PCDHA13: variants seen among roughly 807,000 people sequenced by gnomAD.
PCDHA13 encodes the protein protocadherin alpha-13.
Under a neutral mutation model 64.8 loss-of-function variants are expected in PCDHA13, and 54 were observed. That is an observed-to-expected ratio of 0.83 (90% CI 0.67 to 1.04). The LOEUF (loss-of-function observed/expected upper bound fraction) is 1.04, where lower values mean the gene tolerates loss of function less well. Among genes scored for constraint, PCDHA13 ranks in the 50% least tolerant of loss-of-function variants. The probability of loss-of-function intolerance (pLI) is 0.00; values close to 1 mark genes in which losing one functional copy is unlikely to be tolerated. For synonymous variants in PCDHA13, 587 were observed against 564.4 expected (o/e 1.04, Z -0.57); for missense variants, 1,248 against 1,254.3 (o/e 0.99, Z 0.08).
At chr5:140,922,980 A>G (rs2081098580) in intron 1 of PCDHA13, among the ~76,000 whole-genome samples, 1 of 152,244 alleles carries the variant, frequency 6.6e-6, no homozygotes, top group African/African-American at 2.4e-5. Flanking sequence ...TATCTCAGAC[A>G]ATAGGCAAGC....
At chr5:140,938,715 C>T (rs138044331) in intron 1 of PCDHA13, among the ~76,000 whole-genome samples, 10 of 152,038 alleles carry the variant, frequency 6.6e-5, no homozygotes, top group African/African-American at 2.4e-4. Flanking sequence ...ATGATAGAAA[C>T]GCGTTTCTAC....
At chr5:140,927,193 C>G in intron 1 of PCDHA13, 1 of 1,614,186 alleles carries the variant, frequency 6.2e-7, no homozygotes, top group South Asian at 1.1e-5. Context: ...CGACCTGGTG[C>G]TCGAGGACCC....
Position 140,883,657 on chromosome 5 carries a change from C to T in PCDHA13, c.1389C>T (p.Phe463=). 2 of 1,613,594 alleles carry T rather than the reference C, an allele frequency of 1.2e-6. No homozygotes were observed. The highest frequency in any genetic ancestry group is 1.7e-6 in the Non-Finnish European group (2 of 1,179,844). ...TCGCGCAGCCCGAGTACACGGTGTT[C>T]GTGAAGGAAAACAATCCGCCGGGCT... The part of the protein sequence containing the change: ...PAFAQPEYTV[F]VKENNPPGCH... Residue 463 remains phenylalanine (F), a synonymous_variant, in exon 1 of 4, where the codon TTC becomes TTT. Coordinates refer to ENST00000289272, the MANE Select transcript of PCDHA13 (RefSeq NM_018904.3).
chr5:140,890,283 A>G (rs1554184241), intron 1 of PCDHA13, among the ~76,000 whole-genome samples: 2 of 152,192 alleles, frequency 1.3e-5, no homozygotes, highest in Admixed American at 1.3e-4. Flanking sequence ...CACTCAGTTG[A>G]GTCAGAACCA....
chr5:140,967,044 A>G, intron 1 of PCDHA13: 3 of 1,612,116 alleles, frequency 1.9e-6, no homozygotes, highest in Non-Finnish European at 2.5e-6. Context: ...CTGGAGCTGG[A>G]CCTGACGAGT....
intron 3 of PCDHA13, among the ~76,000 whole-genome samples, chr5:140,994,546 A>T (rs1168797848): frequency 6.6e-6 from 1 of 152,066 alleles, no homozygotes; most frequent in Non-Finnish European, 1.5e-5. Context: ...CTACAAAAAA[A>T]ATATAAAAAT....
chr5:140,907,066 G>A (rs748785005), intron 1 of PCDHA13, among the ~76,000 whole-genome samples: 6 of 152,096 alleles, frequency 3.9e-5, no homozygotes, highest in Non-Finnish European at 8.8e-5. Context: ...TTTACTAGTG[G>A]GTCACTAGGG....
At chr5:140,957,851 T>TG (rs2095389296) in intron 1 of PCDHA13, among the ~76,000 whole-genome samples, 1 of 136,014 alleles carries the variant, frequency 7.4e-6, no homozygotes. Flanking sequence ...AGAGTTTGTG[T>TG]ATTTTTTTTC....
chr5:140,984,712 G>A (rs2097116348), intron 3 of PCDHA13, among the ~76,000 whole-genome samples: 1 of 152,096 alleles, frequency 6.6e-6, no homozygotes, highest in Non-Finnish European at 1.5e-5. Context: ...AGGGAATATG[G>A]CATAAAGATT....
At chr5:140,904,187 C>T (rs1554191348) in intron 1 of PCDHA13, among the ~76,000 whole-genome samples, 1 of 151,982 alleles carries the variant, frequency 6.6e-6, no homozygotes, top group Non-Finnish European at 1.5e-5. Context: ...ACCCCCTTCC[C>T]ACCCTTTCCC....
chr5:140,955,049 G>T (rs2095130069), intron 1 of PCDHA13, among the ~76,000 whole-genome samples: 1 of 152,130 alleles, frequency 6.6e-6, no homozygotes, highest in Admixed American at 6.6e-5. Context: ...CTCATTGCTT[G>T]TTTTTGTCAG....
At chr5:140,927,489 C>T (rs147183638) in intron 1 of PCDHA13, 63 of 1,614,126 alleles carry the variant, frequency 3.9e-5, no homozygotes, top group Non-Finnish European at 4.8e-5. Flanking sequence ...GCGCCACCCA[C>T]CTGCTGGTGC....
chr5:140,979,411 T>C (rs1422593406), intron 2 of PCDHA13, among the ~76,000 whole-genome samples: 1 of 152,204 alleles, frequency 6.6e-6, no homozygotes, highest in Non-Finnish European at 1.5e-5. Flanking sequence ...CTACCTTGTT[T>C]TTTTTTTAAT....
chr5:141,001,213 A>G (rs2097997873), intron 3 of PCDHA13, among the ~76,000 whole-genome samples: 1 of 152,154 alleles, frequency 6.6e-6, no homozygotes, highest in African/African-American at 2.4e-5. Context: ...TGTGCTGTAT[A>G]AGGATAGTTA....
At chr5:140,927,395 A>G (rs782188555) in intron 1 of PCDHA13, 3 of 1,614,194 alleles carry the variant, frequency 1.9e-6, no homozygotes, top group South Asian at 2.2e-5. Context: ...CCCAGTCAGC[A>G]CTTTCGCCTG....
chr5:140,982,677 C>T, intron 3 of PCDHA13, 114 bp downstream of exon 3: 1 of 1,439,238 alleles, frequency 6.9e-7, no homozygotes, highest in Non-Finnish European at 9.1e-7. Flanking sequence ...TTTTGTTATT[C>T]CCTTTTTTCC....
intron 1 of PCDHA13, among the ~76,000 whole-genome samples, chr5:140,902,233 T>C (rs1402685005): frequency 6.7e-6 from 1 of 149,150 alleles, no homozygotes; most frequent in African/African-American, 2.5e-5. Context: ...AGATGAGGAC[T>C]TGCTTTGTTG....
At chr5:140,928,400 C>T (rs1441591334) in intron 1 of PCDHA13, 15 of 1,614,038 alleles carry the variant, frequency 9.3e-6, no homozygotes, top group Non-Finnish European at 1.3e-5. Context: ...GTGGAATCAT[C>T]CAGTGGGGCC....
At chr5:140,966,314 G>C (rs1255868901) in intron 1 of PCDHA13, 2 of 388,054 alleles carry the variant, frequency 5.2e-6, no homozygotes, top group Middle Eastern at 6.5e-4. Flanking sequence ...GTGTTCCTGC[G>C]GTCCGCTGGG....
Sources: allele counts gnomAD v4.1 joint callset (sites outside exome capture counted in the v4.1 genomes callset), GRCh38; gene constraint gnomAD v4.1.1; transcripts MANE v1.5; gene names NCBI Gene and HGNC (gene_info 2026-07-23, HGNC 2026-07-21).